The following JARID2 variants were observed in gnomAD, a reference collection of about 807,000 sequenced individuals.
JARID2 encodes jumonji and AT-rich interaction domain containing 2.
In JARID2, 21 loss-of-function variants were observed where a neutral mutation model predicts 125.6. The ratio of observed to expected loss-of-function variants is 0.17; its 90% CI spans 0.12 to 0.24. The LOEUF (loss-of-function observed/expected upper bound fraction) is 0.24. Among genes scored for constraint, JARID2 ranks in the 10% least tolerant of loss-of-function variants. JARID2 has a pLI of 1.00. For synonymous variants in JARID2, 736 were observed against 661.6 expected, an observed-to-expected ratio of 1.11 and a Z score of -1.73; for missense variants, 1,303 against 1,639.6, an observed-to-expected ratio of 0.79 and a Z score of 3.55.
intron 1 of JARID2, among the ~76,000 whole-genome samples, chr6:15,337,089 C>G (rs936542571): frequency 2.0e-5 from 3 of 152,120 alleles, no homozygotes; most frequent in Non-Finnish European, 4.4e-5. Context: ...CTTCCTGCCT[C>G]TCTTCCAAAA....
In JARID2 at chr6:15,334,285, AG is replaced by A. The variant is rs1466229041; in HGVS notation, c.46-39828del. Among the ~76,000 whole-genome samples the A allele has an allele frequency of 2.0e-5, 3 of 151,958 alleles. No homozygotes were observed. In the East Asian group the frequency reaches 5.8e-4, roughly 29 times the overall value. On this transcript the variant is annotated intron_variant, in intron 1 of 17. Coordinates refer to ENST00000341776, the MANE Select transcript of JARID2 (RefSeq NM_004973.4). ...GAATAAAATTTGACCTTGTAATCAC[AG>A]GGGTTCCTATGGAACAGTGGCTTAT...
chr6:15,509,280 T>C lies in JARID2; in HGVS notation c.2846+826T>C, dbSNP rs149592668. Reference sequence around the variant, plus strand: ...TCAGATGTCTTGTCGTCTGATCGTTTACCGGCATGCTGTTCATGCCATGCT... The same window carrying C: ...TCAGATGTCTTGTCGTCTGATCGTTCACCGGCATGCTGTTCATGCCATGCT... On this transcript the variant is annotated intron_variant, in intron 12 of 17. Coordinates refer to ENST00000341776, the MANE Select transcript of JARID2 (RefSeq NM_004973.4). 1.6e-3 allele frequency: 1,586 copies of C among 985,366 alleles called. 3 individuals are homozygous for C. Among genetic ancestry groups the C allele is most frequent in the Middle Eastern group, 0.014 (27 of 1,914 alleles). The allele number at this position is 985,366 out of a possible 1,614,324, so 61.0% of individuals were successfully genotyped here.
chr6:15,329,093 T>G (rs1762622289), intron 1 of JARID2, among the ~76,000 whole-genome samples: 1 of 152,054 alleles, frequency 6.6e-6, no homozygotes, highest in Non-Finnish European at 1.5e-5. Flanking sequence ...ACAAAGTAGG[T>G]CAGAAACAGG....
chr6:15,503,270 A>G (rs1770829291), intron 8 of JARID2, among the ~76,000 whole-genome samples: 1 of 152,230 alleles, frequency 6.6e-6, no homozygotes, highest in Non-Finnish European at 1.5e-5. Context: ...GCCTTGGTGC[A>G]GAATTCAGTC....
intron 1 of JARID2, among the ~76,000 whole-genome samples, chr6:15,286,941 T>G (rs917028465): frequency 5.4e-5 from 8 of 148,134 alleles, no homozygotes; most frequent in Non-Finnish European, 1.2e-4. Flanking sequence ...TCTTTCCCAT[T>G]GTCAGAAAAA....
rs566235925 is a variant in JARID2, at chr6:15,468,755, A to G, written c.670+37A>G. 1.5e-5 allele frequency: 23 copies of G among 1,584,114 alleles called. No homozygotes were observed. In the Admixed American group the frequency reaches 2.3e-4, roughly 16 times the overall value. On this transcript the variant is annotated intron_variant, in intron 5 of 17. Transcript: ENST00000341776. ...GTTGAACTTGGATAAGAAAAAATCT[A>G]AAGCTTTGGGTGAGAGCTGGAAGAG...
Position 15,246,179 on chromosome 6 carries a change from A to C in JARID2, c.-361A>C. The C allele has an allele frequency of 2.2e-6, 1 of 461,906 alleles. No individual in the cohort carries two copies. The highest frequency in any genetic ancestry group is 3.8e-6 in the Non-Finnish European group (1 of 264,522). The allele number at this position is 461,906 out of a possible 1,614,324, so 28.6% of individuals were successfully genotyped here. On this transcript the variant is annotated 5_prime_UTR_variant, in exon 1 of 18. Coordinates refer to ENST00000341776, the MANE Select transcript of JARID2 (RefSeq NM_004973.4). ...AGATGTAACTACGGATCAGACACTA[A>C]GGACCTTCACGTTTCGCTGATGTAG...
chr6:15,249,133 T>TC (rs1489910754), intron 1 of JARID2, among the ~76,000 whole-genome samples: 1 of 152,218 alleles, frequency 6.6e-6, no homozygotes, highest in African/African-American at 2.4e-5. Context: ...GGTGCATGTG[T>TC]CCCCTCTCCA....
intron 5 of JARID2, among the ~76,000 whole-genome samples, chr6:15,474,298 C>G (rs1411703843): frequency 6.6e-6 from 1 of 152,204 alleles, no homozygotes; most frequent in Admixed American, 6.5e-5. Context: ...GTGGAATATT[C>G]TCATGCCCAA....
In JARID2 at chr6:15,509,520, C is replaced by G. The variant is rs1771173196; in HGVS notation, c.2846+1066C>G. ...TGATCATGGTGTCCTGCAGTGGGTC[C>G]AGAGTGATGGGCCCGGGAAGCCCAG... is the stretch of plus-strand genomic sequence containing the variant. On this transcript the variant is annotated intron_variant, in intron 12 of 17. Transcript: ENST00000341776. 7 of 240,574 alleles carry G rather than the reference C, an allele frequency of 2.9e-5. No individual in the cohort carries two copies. The Admixed American group carries it at 3.9e-4, about 13-fold the overall frequency. 14.9% of individuals were successfully genotyped at this position (240,574 alleles called of 1,614,324 possible).
intron 3 of JARID2, among the ~76,000 whole-genome samples, chr6:15,449,387 T>C (rs1767816363): frequency 6.6e-6 from 1 of 152,032 alleles, no homozygotes. Context: ...GGCTCATGCA[T>C]GTAATCCCAA....
At position 15,520,938 on chromosome 6, in the gene JARID2, G is replaced by A. The variant is rs756764708; in HGVS notation, c.*687G>A. 9.5e-6 allele frequency: 4 copies of A among 420,626 alleles called. No homozygotes were observed. The highest frequency in any genetic ancestry group is 2.0e-5 in the Non-Finnish European group (4 of 204,640). 26.1% of individuals were successfully genotyped at this position (420,626 alleles called of 1,614,324 possible). A position where few individuals can be genotyped will look rare whatever the true frequency, so the allele number is the denominator to read the frequency against. ...AAGAAGAAAAGCGAGCGAGGAAGAC[G>A]GAAAAGACTGCCTGCCTTGGAGGGG... On this transcript the variant is annotated 3_prime_UTR_variant, in exon 18 of 18. Transcript: ENST00000341776.
chr6:15,392,472 G>A (rs553037786), intron 2 of JARID2, among the ~76,000 whole-genome samples: 25 of 152,128 alleles, frequency 1.6e-4, no homozygotes, highest in African/African-American at 5.8e-4. Context: ...TGGTGAGGAG[G>A]GGGTTCTAAG....
intron 3 of JARID2, among the ~76,000 whole-genome samples, chr6:15,444,668 C>A (rs1767592193): frequency 1.3e-5 from 2 of 150,360 alleles, no homozygotes; most frequent in Non-Finnish European, 3.0e-5. Context: ...TCAGGGCCAG[C>A]TCCCACACCG....
At chr6:15,328,620 G>T (rs572829915) in intron 1 of JARID2, among the ~76,000 whole-genome samples, 1 of 151,906 alleles carries the variant, frequency 6.6e-6, no homozygotes, top group Non-Finnish European at 1.5e-5. Context: ...AGGTTGCCCA[G>T]TGTAATATAG....
chr6:15,300,933 C>T (rs1454196067), intron 1 of JARID2, among the ~76,000 whole-genome samples: 1 of 152,082 alleles, frequency 6.6e-6, no homozygotes, highest in East Asian at 1.9e-4. Flanking sequence ...CACACTCTAT[C>T]AGTGGTAGTT....
chr6:15,500,086 C>G (rs537212542), intron 7 of JARID2, among the ~76,000 whole-genome samples: 9 of 152,192 alleles, frequency 5.9e-5, no homozygotes, highest in African/African-American at 2.2e-4. Flanking sequence ...TCCCCTACCC[C>G]CCTTCCTTTA....
intron 2 of JARID2, among the ~76,000 whole-genome samples, chr6:15,401,898 G>GTTTT (rs34203284): frequency 1.6e-5 from 2 of 126,488 alleles, no homozygotes; most frequent in East Asian, 2.3e-4. Flanking sequence ...GTTGTCAGCA[G>GTTTT]TTTTTTTTTT....
intron 1 of JARID2, among the ~76,000 whole-genome samples, chr6:15,294,421 T>C (rs1314133154): frequency 6.6e-6 from 1 of 152,234 alleles, no homozygotes; most frequent in Non-Finnish European, 1.5e-5. Flanking sequence ...CTCGATCTCC[T>C]GGCCTCGTGA....
Sources: allele counts gnomAD v4.1 joint callset (sites outside exome capture counted in the v4.1 genomes callset), GRCh38; gene constraint gnomAD v4.1.1; transcripts MANE v1.5; gene names NCBI Gene and HGNC (gene_info 2026-07-23, HGNC 2026-07-21).